The following IQSEC3 variants were observed in gnomAD, a reference collection of about 807,000 sequenced individuals.
IQSEC3 encodes the protein IQ motif and Sec7 domain ArfGEF 3.
IQSEC3 carries 50 observed loss-of-function variants against 105.4 expected under a neutral mutation model. The ratio of observed to expected loss-of-function variants is 0.47; its 90% CI spans 0.38 to 0.60. IQSEC3 has a LOEUF of 0.60. IQSEC3 is among the 20% of genes least tolerant of loss of function. The pLI is 0.00. For synonymous variants in IQSEC3, 708 were observed against 746.0 expected, an observed-to-expected ratio of 0.95 and a Z score of 0.83; for missense variants, 1,415 against 1,630.0, an observed-to-expected ratio of 0.87 and a Z score of 2.27.
chr12:99,347 T>C, intron 2 of IQSEC3, 133 bp downstream of exon 2: 1 of 813,432 alleles, frequency 1.2e-6, no homozygotes, highest in Non-Finnish European at 1.9e-6. Flanking sequence ...TGCTTTCACC[T>C]CCTTCCTCAG....
chr12:78,644 G>A (rs552032293), intron 1 of IQSEC3, among the ~76,000 whole-genome samples: 2 of 152,306 alleles, frequency 1.3e-5, no homozygotes, highest in African/African-American at 4.8e-5. Context: ...ATAGTTCTGA[G>A]CAGGGCCCTG....
At chr12:108,752 C>T (rs1864769414) in intron 2 of IQSEC3, among the ~76,000 whole-genome samples, 1 of 152,220 alleles carries the variant, frequency 6.6e-6, no homozygotes, top group South Asian at 2.1e-4. Flanking sequence ...CCGGGTCTGG[C>T]TCTGGGCCAA....
intron 1 of IQSEC3, among the ~76,000 whole-genome samples, chr12:76,865 T>G (rs1442005438): frequency 3.3e-5 from 5 of 152,258 alleles, no homozygotes; most frequent in Admixed American, 3.3e-4. Context: ...CTGGTACCAA[T>G]GACCTCTCAG....
intron 1 of IQSEC3, among the ~76,000 whole-genome samples, chr12:89,763 A>G (rs745333414): frequency 6.6e-6 from 1 of 152,230 alleles, no homozygotes; most frequent in Non-Finnish European, 1.5e-5. Context: ...ATGTTGGCTG[A>G]TGTATCAGTA....
At chr12:173,445 C>A (rs886100174) in intron 13 of IQSEC3, among the ~76,000 whole-genome samples, 3 of 152,192 alleles carry the variant, frequency 2.0e-5, no homozygotes, top group African/African-American at 7.2e-5. Context: ...ACTGCACCTG[C>A]AGCCAACAAA....
chr12:76,086 T>TCACA (rs55736036), intron 1 of IQSEC3, among the ~76,000 whole-genome samples: 543 of 148,424 alleles, frequency 3.7e-3, no homozygotes, highest in African/African-American at 0.01. Context: ...GAGAGTTTCA[T>TCACA]CACACACACA....
intron 1 of IQSEC3, among the ~76,000 whole-genome samples, chr12:98,180 T>C (rs1203248624): frequency 6.6e-6 from 1 of 152,160 alleles, no homozygotes; most frequent in East Asian, 1.9e-4. Context: ...AATGGGTCGG[T>C]GTATCTTTAT....
rs1206067069 is a variant in IQSEC3 at position 176,375 on chromosome 12, C to T, written c.*1342C>T. 6.6e-6 allele frequency: 1 copy of T among 152,364 alleles called. No individual in the cohort carries two copies. Among genetic ancestry groups the T allele is most frequent in the Non-Finnish European group, 1.5e-5 (1 of 68,126 alleles). 9.4% of individuals were successfully genotyped at this position (152,364 alleles called of 1,614,324 possible). ...CATGGCCTGCGCAGTCAGGCCCTAT[C>T]AGGATGTGTCTGTCCCAAGCCTGGC... On this transcript the variant is annotated 3_prime_UTR_variant, in exon 14 of 14. Transcript: ENST00000538872. The surrounding 1 kb of genome is among the most constrained non-coding windows in gnomAD (Gnocchi z 4.0).
At position 162,004 on chromosome 12, in the gene IQSEC3, C is replaced by A. The variant is rs781930051; in HGVS notation, c.2522C>A (p.Ser841Tyr). ...YERIQQKELKSNEDHVTYVTK... is the reference protein window; with the variant it reads ...YERIQQKELKYNEDHVTYVTK... The stretch of plus-strand genomic sequence containing the variant: ...AGGATACAGCAGAAGGAGCTCAAGT[C>A]CAATGAGGACCACGTCACGTACGTC... The change falls in exon 8 of 14, where the codon TCC becomes TAC. Residue 841 changes from serine to tyrosine, a missense_variant. By Grantham distance (144) the Ser-to-Tyr change is moderately radical (BLOSUM62 -2). This residue lies in a region of IQSEC3 where 213 missense variants were observed against 306.2 expected (regional missense o/e 0.70). Transcript: ENST00000538872. 2 of 1,613,794 alleles carry A rather than the reference C, an allele frequency of 1.2e-6. No homozygotes were observed. Among genetic ancestry groups the A allele is most frequent in the South Asian group, 2.2e-5 (2 of 91,058 alleles).
intron 2 of IQSEC3, among the ~76,000 whole-genome samples, chr12:104,725 C>T (rs923075302): frequency 6.6e-6 from 1 of 152,212 alleles, no homozygotes; most frequent in African/African-American, 2.4e-5. Flanking sequence ...TCTGCCGAGG[C>T]CGCCACGCGG....
chr12:163,673 T>G, intron 9 of IQSEC3, 54 bp downstream of exon 9: 1 of 1,016,746 alleles, frequency 9.8e-7, no homozygotes, highest in South Asian at 1.3e-5. Context: ...TCTGCCGCCC[T>G]GGTCAGCCTG....
At chr12:131,039 C>CTG (rs1555084920) in intron 3 of IQSEC3, among the ~76,000 whole-genome samples, 1 of 35,152 alleles carries the variant, frequency 2.8e-5, no homozygotes, top group Non-Finnish European at 6.0e-5. Context: ...CACCTGGCCC[C>CTG]CGCTCCTCAG....
At chr12:144,780 T>C (rs1161381135) in intron 5 of IQSEC3, among the ~76,000 whole-genome samples, 1 of 152,252 alleles carries the variant, frequency 6.6e-6, no homozygotes, top group Non-Finnish European at 1.5e-5. Context: ...ATGACAATAA[T>C]AGAAGGCATT....
chr12:79,646 G>A (rs574932712), intron 1 of IQSEC3, among the ~76,000 whole-genome samples: 1 of 152,132 alleles, frequency 6.6e-6, no homozygotes, highest in South Asian at 2.1e-4. Context: ...TGCCCAGGCT[G>A]GTCTCGAACT....
In IQSEC3 at chr12:169,100, C is replaced by G. The variant is rs781870713; in HGVS notation, c.3059C>G (p.Pro1020Arg). 4 of 1,613,610 alleles carry G rather than the reference C, an allele frequency of 2.5e-6. No individual in the cohort carries two copies. The Admixed American group carries it at 6.7e-5, about 27-fold the overall frequency. The change falls in exon 12 of 14, where the codon CCG becomes CGG. Residue 1020 changes from proline to arginine, a missense_variant. Physicochemically the swap from Pro to Arg is moderately radical, Grantham distance 103. This residue lies in a region of IQSEC3 where 419 missense variants were observed against 436.2 expected (regional missense o/e 0.96). Transcript: ENST00000538872. ...QGDPQSKQGS[P>R]TAKREAALRE... The stretch of plus-strand genomic sequence containing the variant: ...GACCCACAGTCAAAGCAAGGATCGC[C>G]GACAGGTGAGCCTCGGCTCCGCTCA...
At chr12:76,210 T>C (rs1350910286) in intron 1 of IQSEC3, among the ~76,000 whole-genome samples, 1 of 152,172 alleles carries the variant, frequency 6.6e-6, no homozygotes, top group Non-Finnish European at 1.5e-5. Context: ...ATTGTGGCCG[T>C]ATCTCTGGGG....
chr12:159,766 T>C (rs1171282863), intron 7 of IQSEC3, among the ~76,000 whole-genome samples: 1 of 152,248 alleles, frequency 6.6e-6, no homozygotes. Context: ...TAGAAACTCA[T>C]GTCCTCCGGT....
intron 5 of IQSEC3, among the ~76,000 whole-genome samples, chr12:145,445 T>C (rs1555090713): frequency 2.0e-5 from 3 of 152,142 alleles, no homozygotes. Context: ...CATTATTATC[T>C]TTTCTACTTA....
intron 5 of IQSEC3, among the ~76,000 whole-genome samples, chr12:156,805 C>T (rs907994320): frequency 6.6e-6 from 1 of 152,196 alleles, no homozygotes; most frequent in Admixed American, 6.5e-5. Flanking sequence ...GTGTCCTGGG[C>T]CACCAAAGCC....
Sources: gnomAD v4.1 joint callset for allele counts (sites outside exome capture counted in the v4.1 genomes callset) on GRCh38, gnomAD v4.1.1 for gene constraint, gnomAD v4.1.1 regional missense constraint, Gnocchi (gnomAD v3.1) non-coding constraint, MANE v1.5 for transcripts, NCBI Gene and HGNC (gene_info 2026-07-23, HGNC 2026-07-21) for gene names.